CLASP2: variants seen among roughly 807,000 people sequenced by gnomAD.
CLASP2 encodes the protein cytoplasmic linker associated protein 2.
In CLASP2, 47 loss-of-function variants were observed where a neutral mutation model predicts 194.4. The ratio of observed to expected loss-of-function variants is 0.24; its 90% CI spans 0.19 to 0.31. The LOEUF (loss-of-function observed/expected upper bound fraction) is 0.31. Ranked by LOEUF, CLASP2 falls within the 10% of genes least tolerant of loss-of-function variation. The pLI is 1.00. For missense variants in CLASP2, 1,445 were observed against 1,823.6 expected (o/e 0.79, Z 3.78); for synonymous variants, 619 against 633.5 (o/e 0.98, Z 0.34).
chr3:33,553,837 A>T (rs1017513491), intron 29 of CLASP2, among the ~76,000 whole-genome samples: 12 of 152,214 alleles, frequency 7.9e-5, no homozygotes, highest in African/African-American at 2.9e-4. Flanking sequence ...ATGATCCAGC[A>T]TTCCACTAGT....
intron 38 of CLASP2, among the ~76,000 whole-genome samples, chr3:33,499,048 T>A (rs2046217356): frequency 6.6e-6 from 1 of 152,210 alleles, no homozygotes; most frequent in African/African-American, 2.4e-5. Flanking sequence ...CACTCAAATC[T>A]TATCTTGAAT....
At chr3:33,647,178 G>A (rs982666630) in intron 7 of CLASP2, among the ~76,000 whole-genome samples, 3 of 152,042 alleles carry the variant, frequency 2.0e-5, no homozygotes, top group Non-Finnish European at 4.4e-5. Flanking sequence ...CCTTACTGAG[G>A]AAGTAGTAAA....
chr3:33,577,201 C>T (rs2065081667), intron 23 of CLASP2: 5 of 1,595,048 alleles, frequency 3.1e-6, no homozygotes, highest in African/African-American at 1.3e-5. Flanking sequence ...TCATCCTTCA[C>T]CTGAGGCCCC....
intron 24 of CLASP2, among the ~76,000 whole-genome samples, chr3:33,573,612 A>G (rs2064224332): frequency 6.6e-6 from 1 of 152,202 alleles, no homozygotes; most frequent in Non-Finnish European, 1.5e-5. Context: ...AGATATGTAA[A>G]GTGGGAAGCG....
intron 7 of CLASP2, chr3:33,659,081 A>G: frequency 6.6e-7 from 1 of 1,517,364 alleles, no homozygotes; most frequent in Non-Finnish European, 8.8e-7. Flanking sequence ...CTCGGCCTGC[A>G]GCCTGCAGAC....
chr3:33,572,520 TCA>T (rs1262457883), intron 25 of CLASP2, among the ~76,000 whole-genome samples: 1 of 151,944 alleles, frequency 6.6e-6, no homozygotes, highest in Non-Finnish European at 1.5e-5. Flanking sequence ...CTCAAAGGGG[TCA>T]ACTATAGGTT....
At chr3:33,667,406 C>CAAAAAAAAAAAAAAAAAAAAAAA (rs537846651) in intron 6 of CLASP2, among the ~76,000 whole-genome samples, 6 of 44,128 alleles carry the variant, frequency 1.4e-4, no homozygotes, top group African/African-American at 5.4e-4. Flanking sequence ...GAGACTATCT[C>CAAAAAAAAAAAAAAAAAAAAAAA]AAAAAAAAAA....
chr3:33,693,212 T>C (rs1054608772), intron 2 of CLASP2, among the ~76,000 whole-genome samples: 1 of 152,112 alleles, frequency 6.6e-6, no homozygotes, highest in Non-Finnish European at 1.5e-5. Context: ...ATTACATTAA[T>C]AGAGCTCATA....
chr3:33,557,488 T>TCAC (rs2061165342), intron 29 of CLASP2, among the ~76,000 whole-genome samples: 1 of 152,104 alleles, frequency 6.6e-6, no homozygotes, highest in Non-Finnish European at 1.5e-5. Flanking sequence ...TCCTCTTGCC[T>TCAC]CACCTCCTGA....
chr3:33,524,243 A>G (rs540247391), intron 34 of CLASP2, among the ~76,000 whole-genome samples: 110 of 152,276 alleles, frequency 7.2e-4, no homozygotes, highest in African/African-American at 2.5e-3. Flanking sequence ...AGTAATAGGT[A>G]TATCAATAAT....
chr3:33,681,869 C>A (rs914973814), intron 6 of CLASP2, among the ~76,000 whole-genome samples: 1 of 152,040 alleles, frequency 6.6e-6, no homozygotes, highest in Non-Finnish European at 1.5e-5. Flanking sequence ...AGATTAATGT[C>A]CTGTCCTCCC....
At chr3:33,702,686 T>C (rs1013548836) in intron 1 of CLASP2, among the ~76,000 whole-genome samples, 6 of 152,114 alleles carry the variant, frequency 3.9e-5, no homozygotes, top group African/African-American at 7.2e-5. Context: ...GGGAAAATAA[T>C]TGTAAAACAT....
chr3:33,498,807 T>A, intron 38 of CLASP2, 90 bp from the exon 39 acceptor site: 2 of 606,706 alleles, frequency 3.3e-6, no homozygotes, highest in Non-Finnish European at 5.5e-6. Context: ...ATATGTGAGC[T>A]CTGAAAGATA....
chr3:33,534,382 G>A (rs562236776), intron 34 of CLASP2, among the ~76,000 whole-genome samples: 1 of 152,136 alleles, frequency 6.6e-6, no homozygotes, highest in East Asian at 1.9e-4. Context: ...GGGAACATAG[G>A]GAGGCCCCAT....
intron 34 of CLASP2, among the ~76,000 whole-genome samples, chr3:33,519,257 C>G (rs1448638864): frequency 2.0e-5 from 3 of 152,098 alleles, no homozygotes; most frequent in African/African-American, 7.2e-5. Context: ...ACTATCCTCA[C>G]TAGAGGTAAT....
intron 4 of CLASP2, 51 bp downstream of exon 4, chr3:33,688,226 T>C (rs2090937338): frequency 1.4e-6 from 2 of 1,413,008 alleles, no homozygotes; most frequent in East Asian, 2.5e-5. Context: ...TGAGGTTTTT[T>C]TTAGAGAAAT....
intron 38 of CLASP2, among the ~76,000 whole-genome samples, 163 bp from the exon 39 acceptor site, chr3:33,498,880 A>AT (rs540467144): frequency 5.7e-4 from 85 of 150,102 alleles, no homozygotes; most frequent in East Asian, 1.6e-3. Context: ...ATAACAAATT[A>AT]TTTTTTTTTT....
intron 29 of CLASP2, among the ~76,000 whole-genome samples, chr3:33,556,458 C>T (rs1347204575): frequency 2.8e-4 from 41 of 146,706 alleles, no homozygotes; most frequent in African/African-American, 7.9e-4. Flanking sequence ...TTTTTTGAGA[C>T]GGAGTCTCAC....
chr3:33,649,689 A>G (rs139385051), intron 7 of CLASP2, among the ~76,000 whole-genome samples: 35 of 152,214 alleles, frequency 2.3e-4, no homozygotes, highest in Admixed American at 1.2e-3. Context: ...CTAACAGAGG[A>G]CTCTTCCCAC....
Sources: allele counts gnomAD v4.1 joint callset (sites outside exome capture counted in the v4.1 genomes callset), GRCh38; gene constraint gnomAD v4.1.1; transcripts MANE v1.5; gene names NCBI Gene and HGNC (gene_info 2026-07-23, HGNC 2026-07-21).